The following TRABD2A variants were observed in gnomAD, a reference collection of about 807,000 sequenced individuals.
The protein encoded by TRABD2A is metalloprotease TIKI1.
A neutral mutation model predicts 45.6 loss-of-function variants in TRABD2A; 43 were observed. That is an observed-to-expected ratio of 0.94 (90% confidence interval 0.74 to 1.22). The LOEUF is 1.22. Among genes scored for constraint, TRABD2A ranks in the 50% most tolerant of loss-of-function variants. TRABD2A has a pLI of 0.00. For missense variants in TRABD2A, 642 were observed against 652.4 expected (o/e 0.98, Z 0.17); for synonymous variants, 269 against 265.0 (o/e 1.02, Z -0.15).
At chr2:84,869,404 C>T (rs1227663659) in intron 2 of TRABD2A, among the ~76,000 whole-genome samples, 1 of 152,162 alleles carries the variant, frequency 6.6e-6, no homozygotes, top group Non-Finnish European at 1.5e-5. Flanking sequence ...AATTGAAGAA[C>T]CAACTTCTTG....
chr2:84,852,930 A>G (rs1404392567), intron 2 of TRABD2A, among the ~76,000 whole-genome samples: 2 of 152,160 alleles, frequency 1.3e-5, no homozygotes, highest in Non-Finnish European at 2.9e-5. Flanking sequence ...GGTCAATCTG[A>G]AAATCATCTC....
At chr2:84,827,976 C>G (rs1192280) in intron 5 of TRABD2A, among the ~76,000 whole-genome samples, 19,010 of 152,254 alleles carry the variant, frequency 0.12, 1,212 homozygotes, top group Non-Finnish European at 0.13. Flanking sequence ...ATCTCCAGAA[C>G]TATACAATAA....
intron 2 of TRABD2A, among the ~76,000 whole-genome samples, chr2:84,860,413 CAGA>C (rs1559094717): frequency 1.3e-5 from 2 of 152,172 alleles, no homozygotes; most frequent in African/African-American, 4.8e-5. Context: ...GACGTGAAGA[CAGA>C]AGGAGAAGAC....
Position 84,880,969 on chromosome 2 carries a change from C to A in TRABD2A, c.71G>T (p.Gly24Val). 1 of 1,601,600 alleles carries A rather than the reference C, an allele frequency of 6.2e-7. No individual in the cohort carries two copies. Among genetic ancestry groups the A allele is most frequent in the Non-Finnish European group, 8.5e-7 (1 of 1,175,064 alleles). Residue 24 changes from glycine (G) to valine (V), a missense_variant, in exon 1 of 7, where the codon GGG becomes GTG. Physicochemically the swap from Gly to Val is moderately radical, Grantham distance 109 (BLOSUM62 -3). Coordinates refer to ENST00000409520, the MANE Select transcript of TRABD2A (RefSeq NM_001277053.2). ...CTCGCAGTTGGCGGTGCCGGGCGCC[C>A]CGCGCCGCGAAGCTGCGCCCGTGGG... ...LLPTGAASRR[G>V]APGTANCELK...
chr2:84,856,380 G>T (rs1052417198), intron 2 of TRABD2A, among the ~76,000 whole-genome samples: 3 of 152,068 alleles, frequency 2.0e-5, no homozygotes, highest in Non-Finnish European at 4.4e-5. Flanking sequence ...AAACCAAGGA[G>T]GTGATGAAAG....
intron 2 of TRABD2A, among the ~76,000 whole-genome samples, chr2:84,859,683 C>A (rs1682430052): frequency 1.3e-5 from 2 of 152,312 alleles, no homozygotes; most frequent in Middle Eastern, 3.4e-3. Context: ...GGTTCTCCAA[C>A]TTGCTTGTGC....
At chr2:84,847,517 C>T (rs984864070) in intron 2 of TRABD2A, among the ~76,000 whole-genome samples, 1 of 152,158 alleles carries the variant, frequency 6.6e-6, no homozygotes, top group African/African-American at 2.4e-5. Flanking sequence ...ACCTGGGGTA[C>T]AAGGACTGTT....
intron 2 of TRABD2A, among the ~76,000 whole-genome samples, chr2:84,856,051 C>T (rs541897218): frequency 3.9e-5 from 6 of 152,282 alleles, no homozygotes; most frequent in African/African-American, 1.4e-4. Flanking sequence ...TCTGTTCAAG[C>T]GCAGGCCTCA....
chr2:84,823,835 G>A (rs1681064205), intron 6 of TRABD2A, 118 bp downstream of exon 6: 1 of 1,402,588 alleles, frequency 7.1e-7, no homozygotes, highest in East Asian at 2.4e-5. Flanking sequence ...GGGTCATGAG[G>A]AAAGGGAAAG....
rs1559087465 is a variant in TRABD2A at position 84,839,339 on chromosome 2, GA to G, written c.817-17del. The G allele has an allele frequency of 6.4e-7, 1 of 1,560,086 alleles. No individual in the cohort carries two copies. The highest frequency in any genetic ancestry group is 2.3e-5 in the East Asian group (1 of 43,204). ...AATTGGGAACCTCCACCAAAATAAAGAGAAAAAAAAATAAGGGGCAACAGAG... is the reference window on the plus strand; with the variant it reads ...AATTGGGAACCTCCACCAAAATAAAGGAAAAAAAAATAAGGGGCAACAGAG... On this transcript the variant is annotated splice_polypyrimidine_tract_variant and intron_variant, in intron 3 of 6. Transcript: ENST00000409520.
intron 2 of TRABD2A, among the ~76,000 whole-genome samples, chr2:84,854,598 C>G (rs1303150584): frequency 6.6e-6 from 1 of 152,230 alleles, no homozygotes; most frequent in Non-Finnish European, 1.5e-5. Context: ...CACTGAGAAA[C>G]TGCACAGAAT....
At chr2:84,858,797 G>A (rs1682399845) in intron 2 of TRABD2A, among the ~76,000 whole-genome samples, 2 of 152,154 alleles carry the variant, frequency 1.3e-5, no homozygotes, top group South Asian at 4.2e-4. Context: ...CACACTGAAG[G>A]TCCTGGGTTC....
chr2:84,824,087 A>AG lies in TRABD2A; in HGVS notation c.1199dup (p.Pro401SerfsTer14). ...CACTTCCAGGCCGGGACACAAGGGG[A>AG]GGCAGCGTTGAGTGCCCTGAGGATA... On this transcript the variant is annotated frameshift_variant, in exon 6 of 7. Transcript: ENST00000409520. LOFTEE classifies it high-confidence loss of function. 1 of 1,613,828 alleles carries AG rather than the reference A, an allele frequency of 6.2e-7. No homozygotes were observed. Among genetic ancestry groups the AG allele is most frequent in the South Asian group, 1.1e-5 (1 of 91,042 alleles).
intron 2 of TRABD2A, 50 bp downstream of exon 2, chr2:84,870,175 C>T: frequency 6.6e-7 from 1 of 1,522,124 alleles, no homozygotes. Flanking sequence ...TCAACAGATT[C>T]ACCCATACAA....
At chr2:84,826,897 T>C (rs1389299254) in intron 5 of TRABD2A, among the ~76,000 whole-genome samples, 2 of 152,214 alleles carry the variant, frequency 1.3e-5, no homozygotes, top group African/African-American at 4.8e-5. Context: ...AGCTAATCCA[T>C]TCTCATTGTA....
Position 84,856,467 on chromosome 2 carries a change from T to C in TRABD2A, c.669+13758A>G, listed in dbSNP as rs75233904. 6.9e-4 allele frequency among the ~76,000 whole-genome samples: 105 copies of C among 152,290 alleles called. 5 individuals are homozygous for C. The East Asian group carries it at 0.018, about 26-fold the overall frequency. ...GCTTCCACACACTTCTTTGGATGTC[T>C]AGGTCTGCTTTTTGGCAGAGGCAGC... On this transcript the variant is annotated intron_variant, in intron 2 of 6. Coordinates refer to ENST00000409520, the MANE Select transcript of TRABD2A (RefSeq NM_001277053.2).
Position 84,862,815 on chromosome 2 carries a change from G to A in TRABD2A, c.669+7410C>T, listed in dbSNP as rs115959604. On this transcript the variant is annotated intron_variant, in intron 2 of 6. Coordinates refer to ENST00000409520, the MANE Select transcript of TRABD2A (RefSeq NM_001277053.2). ...CAAGTCCTGAGCAGGCCTGTGCCCA[G>A]GGGGAAGCAGAGCTAAAGTCTGCAC... is the stretch of plus-strand genomic sequence containing the variant. 9.8e-3 allele frequency among the ~76,000 whole-genome samples: 1,488 copies of A among 152,284 alleles called. 21 individuals carry two copies. The highest frequency in any genetic ancestry group is 0.035 in the African/African-American group (1,436 of 41,536).
intron 1 of TRABD2A, among the ~76,000 whole-genome samples, chr2:84,876,185 G>A (rs1683021443): frequency 6.6e-6 from 1 of 152,172 alleles, no homozygotes. Flanking sequence ...AGGTGAATAT[G>A]TAAGTCTGGA....
chr2:84,836,818 A>C (rs560579749), intron 4 of TRABD2A: 1 of 151,854 alleles, frequency 6.6e-6, no homozygotes, highest in African/African-American at 2.4e-5. Context: ...GTTCAAATCT[A>C]CTGTTCAGCC....
Sources: allele counts gnomAD v4.1 joint callset (sites outside exome capture counted in the v4.1 genomes callset), GRCh38; gene constraint gnomAD v4.1.1; transcripts MANE v1.5; gene names NCBI Gene and HGNC (gene_info 2026-07-23, HGNC 2026-07-21).